The following SORCS1 variants were observed in gnomAD, a reference collection of about 807,000 sequenced individuals.
SORCS1 encodes VPS10 domain-containing receptor SorCS1.
A neutral mutation model predicts 146.1 loss-of-function variants in SORCS1; 60 were observed. That is an observed-to-expected ratio of 0.41 (90% CI 0.33 to 0.51). The LOEUF (loss-of-function observed/expected upper bound fraction) is 0.51, where lower values mean the gene tolerates loss of function less well. Ranked by LOEUF, SORCS1 falls within the 20% of genes least tolerant of loss-of-function variation. The pLI is 0.21. For missense variants in SORCS1, 1,352 were observed against 1,487.6 expected (o/e 0.91, Z 1.50); for synonymous variants, 637 against 584.0 (o/e 1.09, Z -1.31).
intron 3 of SORCS1, among the ~76,000 whole-genome samples, chr10:106,800,113 T>C (rs534920764): frequency 1.2e-4 from 18 of 152,284 alleles, no homozygotes; most frequent in African/African-American, 4.3e-4. Context: ...GCTCTTGATT[T>C]TGATGCACTG....
At chr10:107,004,100 C>A (rs764836873) in intron 1 of SORCS1, among the ~76,000 whole-genome samples, 2 of 142,204 alleles carry the variant, frequency 1.4e-5, no homozygotes, top group Admixed American at 7.3e-5. Flanking sequence ...GGCGTGAACC[C>A]GGGAGGCGGA....
intron 9 of SORCS1, among the ~76,000 whole-genome samples, chr10:106,697,651 T>C (rs985498323): frequency 3.3e-5 from 5 of 152,100 alleles, no homozygotes; most frequent in Non-Finnish European, 7.4e-5. Context: ...TGGAAAATAA[T>C]ATTAAAGCCC....
intron 1 of SORCS1, among the ~76,000 whole-genome samples, chr10:107,120,464 T>C (rs1418952256): frequency 3.9e-5 from 6 of 152,194 alleles, no homozygotes; most frequent in African/African-American, 1.4e-4. Context: ...TGATTTAGAC[T>C]AGAAAATTCA....
Position 106,597,229 on chromosome 10 carries a change from GA to G in SORCS1, c.3265+121del. On this transcript the variant is annotated intron_variant, in intron 24 of 25. Coordinates refer to ENST00000263054, the MANE Select transcript of SORCS1 (RefSeq NM_052918.5). Reference sequence around the variant, plus strand: ...CCAAGCAAGGGAACCTCCAAGATCCGATGACTGATTTGATTTCTGATTAGCA... The same window carrying G: ...CCAAGCAAGGGAACCTCCAAGATCCGTGACTGATTTGATTTCTGATTAGCA... 3 of 759,506 alleles carry G rather than the reference GA, an allele frequency of 3.9e-6. No individual in the cohort carries two copies. The South Asian group carries it at 5.0e-5, about 13-fold the overall frequency. The allele number at this position is 759,506 out of a possible 1,614,324, so 47.0% of individuals were successfully genotyped here.
In SORCS1 at chr10:106,730,081, A is replaced by G. The variant is rs756423510; in HGVS notation, c.993T>C (p.Leu331=). The G allele has an allele frequency of 2.3e-5, 37 of 1,614,082 alleles. No homozygotes were observed. Among genetic ancestry groups the G allele is most frequent in the Non-Finnish European group, 3.1e-5 (37 of 1,180,034 alleles). Residue 331 remains leucine, a synonymous_variant, in exon 6 of 26, where the codon CTT becomes CTC. Transcript: ENST00000263054. ...CCACAGTTCTGGCCTCAAGATGCAC[A>G]AGGTCTGGTTCTTTATTTGACCCCA... ...SVMGSNKEPD[L]VHLEARTVDG... is the part of the protein sequence containing the mutation.
At chr10:106,772,927 C>A (rs1305061169) in intron 4 of SORCS1, among the ~76,000 whole-genome samples, 1 of 151,878 alleles carries the variant, frequency 6.6e-6, no homozygotes, top group Non-Finnish European at 1.5e-5. Flanking sequence ...GTCACATGCA[C>A]TGAAGGAGAG....
At chr10:106,839,278 AGT>A (rs1048981994) in intron 2 of SORCS1, among the ~76,000 whole-genome samples, 31 of 152,220 alleles carry the variant, frequency 2.0e-4, no homozygotes, top group Admixed American at 5.2e-4. Flanking sequence ...GAAAATTAAA[AGT>A]GTTACTCCAC....
chr10:106,660,745 G>T (rs1192765621), intron 17 of SORCS1, among the ~76,000 whole-genome samples: 1 of 145,172 alleles, frequency 6.9e-6, no homozygotes, highest in Non-Finnish European at 1.5e-5. Flanking sequence ...GTGAGACTCC[G>T]TCTCAAAAAA....
intron 18 of SORCS1, among the ~76,000 whole-genome samples, chr10:106,647,013 ATATAT>A (rs1564814287): frequency 6.4e-5 from 1 of 15,602 alleles, no homozygotes; most frequent in Non-Finnish European, 5.9e-4. Context: ...ATGTGTATAT[ATATAT>A]ATATATATAT....
intron 19 of SORCS1, among the ~76,000 whole-genome samples, chr10:106,626,026 C>G (rs545251317): frequency 6.6e-6 from 1 of 152,290 alleles, no homozygotes; most frequent in South Asian, 2.1e-4. Context: ...AAGACCGGCC[C>G]ACTCCCAGAA....
chr10:106,856,720 C>T (rs561112100), intron 2 of SORCS1, among the ~76,000 whole-genome samples: 1 of 152,304 alleles, frequency 6.6e-6, no homozygotes, highest in African/African-American at 2.4e-5. Flanking sequence ...ATTAGGTCCC[C>T]ACGAAGTTCT....
intron 1 of SORCS1, among the ~76,000 whole-genome samples, chr10:106,977,256 T>C (rs1343165427): frequency 3.9e-5 from 6 of 152,242 alleles, no homozygotes; most frequent in African/African-American, 1.2e-4. Context: ...TGGTATCCCA[T>C]TGTGGTTTGG....
chr10:106,882,466 T>G (rs1255324007), intron 2 of SORCS1, among the ~76,000 whole-genome samples: 1 of 152,180 alleles, frequency 6.6e-6, no homozygotes, highest in East Asian at 1.9e-4. Flanking sequence ...GAGTCTCATT[T>G]GCAATTTTTC....
intron 1 of SORCS1, among the ~76,000 whole-genome samples, chr10:107,093,941 A>G (rs1011534670): frequency 2.0e-5 from 3 of 152,026 alleles, no homozygotes; most frequent in African/African-American, 7.3e-5. Context: ...CACCATTCCT[A>G]TGCCTGGACC....
At chr10:106,866,316 C>A (rs1245446854) in intron 2 of SORCS1, among the ~76,000 whole-genome samples, 1 of 152,194 alleles carries the variant, frequency 6.6e-6, no homozygotes, top group Non-Finnish European at 1.5e-5. Context: ...TGGATCCCCT[C>A]CAACCCCACT....
At chr10:106,597,673 T>A (rs1407372582) in intron 23 of SORCS1, among the ~76,000 whole-genome samples, 2 of 152,200 alleles carry the variant, frequency 1.3e-5, no homozygotes, top group African/African-American at 4.8e-5. Context: ...TAGAAGAAAC[T>A]ATTAGTGAAT....
At chr10:106,625,393 G>C (rs1242278226) in intron 19 of SORCS1, among the ~76,000 whole-genome samples, 1 of 152,144 alleles carries the variant, frequency 6.6e-6, no homozygotes, top group African/African-American at 2.4e-5. Flanking sequence ...CTATTAAGCT[G>C]AGATCCTAAA....
chr10:107,050,893 G>A (rs767408390), intron 1 of SORCS1, among the ~76,000 whole-genome samples: 51 of 152,226 alleles, frequency 3.4e-4, no homozygotes, highest in Non-Finnish European at 1.9e-4. Context: ...CAACAATCTA[G>A]ATGAGTCTTC....
intron 2 of SORCS1, among the ~76,000 whole-genome samples, chr10:106,928,063 C>G (rs2418826): frequency 0.55 from 83,591 of 152,204 alleles, 24,018 homozygotes; most frequent in Non-Finnish European, 0.63. Context: ...CCCGCACCGG[C>G]GCTGCATGTG....
Sources: gnomAD v4.1 joint callset for allele counts (sites outside exome capture counted in the v4.1 genomes callset) on GRCh38, gnomAD v4.1.1 for gene constraint, MANE v1.5 for transcripts, NCBI Gene and HGNC (gene_info 2026-07-23, HGNC 2026-07-21) for gene names.